Variants in CIMIP6 observed in about 807,000 individuals in gnomAD.
The protein encoded by CIMIP6 is ciliary microtubule inner protein 6.
the CIMIP6 span, among the ~76,000 whole-genome samples, chr2:54,366,093 T>A: frequency 6.6e-6 from 1 of 152,174 alleles, no homozygotes; most frequent in Admixed American, 6.5e-5. Context: ...AATCACCCAT[T>A]TTTAGCTGGA....
chr2:54,379,917 C>T, the CIMIP6 span, among the ~76,000 whole-genome samples: 1 of 150,516 alleles, frequency 6.6e-6, no homozygotes, highest in African/African-American at 2.5e-5. Flanking sequence ...GTGGAGGTTA[C>T]AGTGAGCCGA....
chr2:54,347,881 C>T, the CIMIP6 span, among the ~76,000 whole-genome samples: 1 of 152,176 alleles, frequency 6.6e-6, no homozygotes, highest in Non-Finnish European at 1.5e-5. Flanking sequence ...ATTCCCTTCC[C>T]CCATAGCACT....
the CIMIP6 span, among the ~76,000 whole-genome samples, chr2:54,352,861 A>C: frequency 6.6e-6 from 1 of 152,154 alleles, no homozygotes; most frequent in Non-Finnish European, 1.5e-5. Flanking sequence ...ATTTTTCCTG[A>C]AAAGTTTTAA....
chr2:54,358,231 C>T, the CIMIP6 span, among the ~76,000 whole-genome samples: 1 of 152,146 alleles, frequency 6.6e-6, no homozygotes, highest in Non-Finnish European at 1.5e-5. Flanking sequence ...CTTCCAATTC[C>T]ATTAGTGCTA....
At chr2:54,376,503 A>T in the CIMIP6 span, among the ~76,000 whole-genome samples, 1 of 152,332 alleles carries the variant, frequency 6.6e-6, no homozygotes, top group Middle Eastern at 3.4e-3. Flanking sequence ...ACTGGAATAG[A>T]CATGATTTTA....
At chr2:54,379,664 C>T in the CIMIP6 span, among the ~76,000 whole-genome samples, 1 of 151,914 alleles carries the variant, frequency 6.6e-6, no homozygotes, top group African/African-American at 2.4e-5. Flanking sequence ...TAGGGAGACC[C>T]TGTCTCTACA....
At chr2:54,342,047 TC>T in the CIMIP6 span, among the ~76,000 whole-genome samples, 2 of 152,076 alleles carry the variant, frequency 1.3e-5, no homozygotes, top group African/African-American at 4.8e-5. Context: ...TTCTCCAAAA[TC>T]CCCTAGTTCC....
At chr2:54,332,179 CTCTT>C in the CIMIP6 span, among the ~76,000 whole-genome samples, 74 of 152,292 alleles carry the variant, frequency 4.9e-4, no homozygotes, top group East Asian at 0.014. Context: ...ACTTAGCTCT[CTCTT>C]CCCCTCTTTT....
chr2:54,377,636 CATT>C, the CIMIP6 span, among the ~76,000 whole-genome samples: 2 of 152,120 alleles, frequency 1.3e-5, no homozygotes, highest in African/African-American at 2.4e-5. Flanking sequence ...AAATCACAGT[CATT>C]ATTTCCTTAA....
At chr2:54,348,251 T>G in the CIMIP6 span, among the ~76,000 whole-genome samples, 1 of 152,214 alleles carries the variant, frequency 6.6e-6, no homozygotes, top group East Asian at 1.9e-4. Flanking sequence ...AGGATTGTTG[T>G]GAGAAACAAC....
At chr2:54,334,820 G>A in the CIMIP6 span, 1 of 1,535,402 alleles carries the variant, frequency 6.5e-7, no homozygotes, top group Admixed American at 2.0e-5. Flanking sequence ...TTTTCAGACA[G>A]CATAAAATAG....
chr2:54,364,377 A>G, the CIMIP6 span, among the ~76,000 whole-genome samples: 1 of 152,270 alleles, frequency 6.6e-6, no homozygotes, highest in African/African-American at 2.4e-5. Flanking sequence ...TTATTATTAA[A>G]GTCAAAAATA....
the CIMIP6 span, chr2:54,381,728 C>T: frequency 2.2e-6 from 3 of 1,369,134 alleles, no homozygotes; most frequent in Non-Finnish European, 1.9e-6. Context: ...CCTTTTGAGG[C>T]TTGAATGACT....
chr2:54,347,165 C>G, the CIMIP6 span, among the ~76,000 whole-genome samples: 2 of 152,114 alleles, frequency 1.3e-5, no homozygotes, highest in Non-Finnish European at 2.9e-5. Context: ...ATTGAATGTA[C>G]AGACTTGATA....
chr2:54,359,085 AT>A, the CIMIP6 span: 1 of 1,302,960 alleles, frequency 7.7e-7, no homozygotes, highest in African/African-American at 1.5e-5. Context: ...GTGAGGCAGT[AT>A]TTAGAATTAT....
At chr2:54,354,346 T>C in the CIMIP6 span, among the ~76,000 whole-genome samples, 11 of 152,168 alleles carry the variant, frequency 7.2e-5, no homozygotes, top group African/African-American at 1.7e-4. Flanking sequence ...TATTTAAACA[T>C]TGAAATGTAT....
chr2:54,363,561 A>ATTTGTCCAGG, the CIMIP6 span, among the ~76,000 whole-genome samples: 118 of 152,330 alleles, frequency 7.7e-4, no homozygotes, highest in African/African-American at 2.5e-3. Flanking sequence ...CTATCAGGTC[A>ATTTGTCCAGG]TCTCTACACA....
chr2:54,372,675 A>G, the CIMIP6 span, among the ~76,000 whole-genome samples: 2 of 152,148 alleles, frequency 1.3e-5, no homozygotes, highest in African/African-American at 4.8e-5. Flanking sequence ...CAGGCACATG[A>G]GTGGAAAAGT....
chr2:54,370,453 AC>A, the CIMIP6 span, among the ~76,000 whole-genome samples: 1 of 151,972 alleles, frequency 6.6e-6, no homozygotes, highest in South Asian at 2.1e-4. Flanking sequence ...AAAAAAAAAA[AC>A]ATGTAAAGAC....
Sources: allele counts gnomAD v4.1 joint callset (sites outside exome capture counted in the v4.1 genomes callset), GRCh38; gene constraint gnomAD v4.1.1; transcripts MANE v1.5; gene names NCBI Gene and HGNC (gene_info 2026-07-23, HGNC 2026-07-21).